Variants in TCERG1L observed in about 807,000 individuals in gnomAD.
TCERG1L encodes transcription elongation regulator 1 like, also known as transcription elongation regulator 1-like protein.
A neutral mutation model predicts 56.3 loss-of-function variants in TCERG1L; 37 were observed. That is an observed-to-expected ratio of 0.66 (90% confidence interval 0.51 to 0.87). The LOEUF is 0.87. Ranked by LOEUF, TCERG1L falls within the 40% of genes least tolerant of loss-of-function variation. The pLI is 0.00. For synonymous variants in TCERG1L, 324 were observed against 326.3 expected (o/e 0.99, Z 0.08); for missense variants, 799 against 774.2 (o/e 1.03, Z -0.38).
chr10:131,148,897 C>T (rs1441032530), intron 6 of TCERG1L, among the ~76,000 whole-genome samples: 1 of 152,220 alleles, frequency 6.6e-6, no homozygotes, highest in Non-Finnish European at 1.5e-5. Context: ...TGGGCTTCCC[C>T]CTCGGGGCGA....
chr10:131,150,663 TCTGCCC>T (rs1845853726), intron 6 of TCERG1L, among the ~76,000 whole-genome samples: 1 of 152,204 alleles, frequency 6.6e-6, no homozygotes, highest in Non-Finnish European at 1.5e-5. Flanking sequence ...AGAGCTCTGT[TCTGCCC>T]ACTGCAGAGT....
chr10:131,120,025 G>A (rs1845497607), intron 8 of TCERG1L, among the ~76,000 whole-genome samples: 1 of 152,174 alleles, frequency 6.6e-6, no homozygotes, highest in Admixed American at 6.5e-5. Flanking sequence ...CTCACGCCCA[G>A]GGTCCGCCCC....
Position 131,146,502 on chromosome 10 carries a change from T to C in TCERG1L, c.1189+4A>G, listed in dbSNP as rs751601368. 4 of 1,606,322 alleles carry C rather than the reference T, an allele frequency of 2.5e-6. No individual in the cohort carries two copies. Among genetic ancestry groups the C allele is most frequent in the Non-Finnish European group, 3.4e-6 (4 of 1,174,838 alleles). On this transcript the variant is annotated splice_donor_region_variant and intron_variant, in intron 7 of 11. Transcript: ENST00000368642. The stretch of plus-strand genomic sequence containing the variant: ...GAGGTGTAAATAACCCAGGGCTTAG[T>C]TACTTGCTGGTGCCTCCAGCTTGCG...
chr10:131,093,320 T>A lies in TCERG1L; in HGVS notation c.1605-2A>T. 6.2e-7 allele frequency: 1 copy of A among 1,611,102 alleles called. No individual in the cohort carries two copies. The highest frequency in any genetic ancestry group is 1.3e-5 in the African/African-American group (1 of 74,656). Reference sequence around the variant, plus strand: ...TCTGCAAACTCCTTAAACGTGGTCCTGAAAAAGAAAGAGTTTCCTGAGACA... The same window carrying A: ...TCTGCAAACTCCTTAAACGTGGTCCAGAAAAAGAAAGAGTTTCCTGAGACA... On this transcript the variant is annotated splice_acceptor_variant, in intron 11 of 11. Transcript: ENST00000368642. LOFTEE classifies it high-confidence loss of function.
chr10:131,229,064 C>T (rs1429128137), intron 4 of TCERG1L, among the ~76,000 whole-genome samples: 1 of 100,562 alleles, frequency 9.9e-6, no homozygotes, highest in African/African-American at 4.1e-5. Flanking sequence ...GTCTCCCCTC[C>T]AGACAGGCAT....
chr10:131,298,373 C>T (rs1846720919), intron 3 of TCERG1L, among the ~76,000 whole-genome samples: 1 of 151,986 alleles, frequency 6.6e-6, no homozygotes, highest in Admixed American at 6.6e-5. Context: ...ATCCTTGTTA[C>T]TGATTTCTAA....
At chr10:131,243,180 C>T (rs1040081838) in intron 4 of TCERG1L, among the ~76,000 whole-genome samples, 1 of 152,168 alleles carries the variant, frequency 6.6e-6, no homozygotes, top group African/African-American at 2.4e-5. Flanking sequence ...TCCTGCCTCT[C>T]CACACTCACG....
chr10:131,241,100 G>C (rs1009508365), intron 4 of TCERG1L, among the ~76,000 whole-genome samples: 1 of 152,166 alleles, frequency 6.6e-6, no homozygotes, highest in Non-Finnish European at 1.5e-5. Context: ...ATGGAGCAGA[G>C]AACTCAGGGC....
intron 4 of TCERG1L, among the ~76,000 whole-genome samples, chr10:131,230,344 C>A (rs1845835671): frequency 6.6e-6 from 1 of 152,200 alleles, no homozygotes; most frequent in African/African-American, 2.4e-5. Context: ...TGCCTGTGAC[C>A]CAGCTTTCCC....
chr10:131,293,136 C>T (rs1846651026), intron 3 of TCERG1L, among the ~76,000 whole-genome samples: 1 of 152,196 alleles, frequency 6.6e-6, no homozygotes, highest in Admixed American at 6.5e-5. Flanking sequence ...AAGGCATGAG[C>T]CACTATGCCC....
At chr10:131,255,936 C>T (rs553407956) in intron 4 of TCERG1L, among the ~76,000 whole-genome samples, 2 of 152,292 alleles carry the variant, frequency 1.3e-5, no homozygotes. Context: ...ACTTATCATG[C>T]GTAACAAACT....
chr10:131,210,511 A>C (rs972395808), intron 4 of TCERG1L, among the ~76,000 whole-genome samples: 2 of 152,268 alleles, frequency 1.3e-5, no homozygotes, highest in African/African-American at 4.8e-5. Context: ...GAAAATAAAA[A>C]GAAAGAATTA....
intron 3 of TCERG1L, among the ~76,000 whole-genome samples, chr10:131,299,885 T>G (rs555883549): frequency 4.3e-4 from 65 of 152,272 alleles, no homozygotes; most frequent in African/African-American, 1.5e-3. Flanking sequence ...TTTTACACAT[T>G]ATATAACTAT....
intron 11 of TCERG1L, among the ~76,000 whole-genome samples, chr10:131,097,061 A>C (rs1845255961): frequency 6.6e-6 from 1 of 151,868 alleles, no homozygotes. Context: ...TTAGCTGTGC[A>C]TGGTAGTGGG....
chr10:131,200,543 G>A (rs1325916624), intron 4 of TCERG1L, among the ~76,000 whole-genome samples: 6 of 152,158 alleles, frequency 3.9e-5, no homozygotes, highest in African/African-American at 1.4e-4. Flanking sequence ...TATCCTATGT[G>A]TGTTCCACCA....
chr10:131,255,381 T>C (rs760219594), intron 4 of TCERG1L, among the ~76,000 whole-genome samples: 5 of 152,254 alleles, frequency 3.3e-5, no homozygotes, highest in African/African-American at 4.8e-5. Context: ...AACTAAAGTA[T>C]GCAACATATT....
chr10:131,176,155 G>C (rs1359980808), intron 4 of TCERG1L, among the ~76,000 whole-genome samples: 1 of 152,198 alleles, frequency 6.6e-6, no homozygotes, highest in Non-Finnish European at 1.5e-5. Context: ...CTGGGCTCAA[G>C]ACTGCTGTTA....
At chr10:131,259,541 A>T (rs1304101720) in intron 4 of TCERG1L, among the ~76,000 whole-genome samples, 1 of 152,184 alleles carries the variant, frequency 6.6e-6, no homozygotes, top group Non-Finnish European at 1.5e-5. Context: ...TAGTGGATGG[A>T]CACGCATGCC....
chr10:131,236,257 G>A (rs1452520131), intron 4 of TCERG1L, among the ~76,000 whole-genome samples: 1 of 152,222 alleles, frequency 6.6e-6, no homozygotes, highest in Non-Finnish European at 1.5e-5. Context: ...ATGATCTAAT[G>A]AATTTGACCA....
Sources: gnomAD v4.1 joint callset for allele counts (sites outside exome capture counted in the v4.1 genomes callset) on GRCh38, gnomAD v4.1.1 for gene constraint, MANE v1.5 for transcripts, NCBI Gene and HGNC (gene_info 2026-07-23, HGNC 2026-07-21) for gene names.